The following KLHL14 variants were observed in gnomAD, a reference collection of about 807,000 sequenced individuals.
KLHL14 encodes kelch like family member 14.
A neutral mutation model predicts 64.3 loss-of-function variants in KLHL14; 22 were observed. The ratio of observed to expected loss-of-function variants is 0.34; its 90% confidence interval spans 0.24 to 0.49. The LOEUF (loss-of-function observed/expected upper bound fraction) is 0.49. Ranked by LOEUF, KLHL14 falls within the 20% of genes least tolerant of loss-of-function variation. The pLI is 0.99. For synonymous variants in KLHL14, 322 were observed against 333.4 expected (o/e 0.97, Z 0.37); for missense variants, 661 against 789.0 (o/e 0.84, Z 1.94).
At chr18:32,708,407 T>C (rs1368389753) in intron 3 of KLHL14, among the ~76,000 whole-genome samples, 1 of 152,128 alleles carries the variant, frequency 6.6e-6, no homozygotes, top group Non-Finnish European at 1.5e-5. Flanking sequence ...AGGGCAGTGG[T>C]GTAGAAGATT....
chr18:32,703,271 T>C (rs1052217055), intron 3 of KLHL14, among the ~76,000 whole-genome samples: 4 of 152,182 alleles, frequency 2.6e-5, no homozygotes, highest in Non-Finnish European at 5.9e-5. Context: ...AATGGATCAG[T>C]AAATATTGAT....
At chr18:32,725,185 C>T (rs2050101804) in intron 3 of KLHL14, among the ~76,000 whole-genome samples, 1 of 152,048 alleles carries the variant, frequency 6.6e-6, no homozygotes. Flanking sequence ...CACCAACACA[C>T]CTGACTACTT....
chr18:32,712,156 C>T (rs2050022507), intron 3 of KLHL14, among the ~76,000 whole-genome samples: 1 of 152,166 alleles, frequency 6.6e-6, no homozygotes, highest in Admixed American at 6.6e-5. Context: ...ATAGTTGCAG[C>T]AGAGATCTAA....
At chr18:32,685,151 C>T (rs983000451) in intron 5 of KLHL14, among the ~76,000 whole-genome samples, 1 of 152,226 alleles carries the variant, frequency 6.6e-6, no homozygotes, top group East Asian at 1.9e-4. Flanking sequence ...CGCCGACAGA[C>T]CATGGCAGGT....
At chr18:32,678,153 T>G (rs1025847862) in intron 7 of KLHL14, among the ~76,000 whole-genome samples, 1 of 152,148 alleles carries the variant, frequency 6.6e-6, no homozygotes, top group Non-Finnish European at 1.5e-5. Flanking sequence ...TGAGAACAAC[T>G]TAAGTTCCTG....
chr18:32,745,623 A>C (rs2050220431), intron 2 of KLHL14: 1 of 152,270 alleles, frequency 6.6e-6, no homozygotes, highest in South Asian at 2.1e-4. Context: ...ACAAATGAGA[A>C]TAACCATCAC....
At chr18:32,736,756 T>C (rs1012668795) in intron 3 of KLHL14, among the ~76,000 whole-genome samples, 7 of 152,068 alleles carry the variant, frequency 4.6e-5, no homozygotes, top group Non-Finnish European at 1.0e-4. Flanking sequence ...TACTGGGTGG[T>C]CTTACTAAAA....
intron 3 of KLHL14, among the ~76,000 whole-genome samples, chr18:32,729,699 A>G (rs2050127311): frequency 6.6e-6 from 1 of 152,258 alleles, no homozygotes; most frequent in Admixed American, 6.5e-5. Context: ...TTGTCATAAT[A>G]TCATTGGTTT....
chr18:32,758,620 T>C (rs1415842727), intron 2 of KLHL14, among the ~76,000 whole-genome samples: 2 of 152,176 alleles, frequency 1.3e-5, no homozygotes, highest in African/African-American at 4.8e-5. Flanking sequence ...TGAAAACATA[T>C]GTCCATACAA....
At chr18:32,762,550 T>G (rs996860853) in intron 2 of KLHL14, among the ~76,000 whole-genome samples, 1 of 152,164 alleles carries the variant, frequency 6.6e-6, no homozygotes, top group Non-Finnish European at 1.5e-5. Context: ...CTGCTTTACT[T>G]CTAGTGTTGC....
chr18:32,708,648 C>G (rs2050003055), intron 3 of KLHL14, among the ~76,000 whole-genome samples: 1 of 152,190 alleles, frequency 6.6e-6, no homozygotes, highest in Non-Finnish European at 1.5e-5. Flanking sequence ...CAGGCTTGTA[C>G]ACACAGCAGT....
At chr18:32,698,057 T>A (rs542625267) in intron 3 of KLHL14, among the ~76,000 whole-genome samples, 1 of 152,344 alleles carries the variant, frequency 6.6e-6, no homozygotes, top group South Asian at 2.1e-4. Flanking sequence ...AAATTTATTT[T>A]AAAAAATCTA....
chr18:32,686,072 C>T (rs1165166555), intron 5 of KLHL14, among the ~76,000 whole-genome samples: 3 of 146,892 alleles, frequency 2.0e-5, no homozygotes, highest in Non-Finnish European at 4.5e-5. Flanking sequence ...AGTGCAGTGG[C>T]GCAATCTAGG....
intron 1 of KLHL14, chr18:32,772,074 T>C: frequency 3.6e-6 from 1 of 275,200 alleles, no homozygotes; most frequent in South Asian, 3.5e-5. Context: ...AAAGGGACCC[T>C]CTGCTTGCAT....
chr18:32,767,669 C>T lies in KLHL14; in HGVS notation c.947+1976G>A, dbSNP rs148744181. Among the ~76,000 whole-genome samples the T allele has an allele frequency of 7.2e-5, 11 of 152,276 alleles. No homozygotes were observed. The East Asian group carries it at 2.1e-3, about 29-fold the overall frequency. On this transcript the variant is annotated intron_variant, in intron 2 of 8. Coordinates refer to ENST00000359358, the MANE Select transcript of KLHL14 (RefSeq NM_020805.3). ...GCAGGCACTAGCTGGTGTGCTGAAT[C>T]TTGACTAAAGTGGGAAATGGATTTT...
intron 3 of KLHL14, among the ~76,000 whole-genome samples, chr18:32,725,914 A>G (rs867681260): frequency 6.6e-6 from 1 of 152,214 alleles, no homozygotes; most frequent in Admixed American, 6.5e-5. Context: ...TCCTCTATGA[A>G]ATGGAAGTTC....
intron 4 of KLHL14, among the ~76,000 whole-genome samples, chr18:32,688,146 C>T (rs1219680190): frequency 6.6e-6 from 1 of 152,148 alleles, no homozygotes; most frequent in Non-Finnish European, 1.5e-5. Flanking sequence ...TCTGTAGCAC[C>T]TGAGATGATA....
In KLHL14 at chr18:32,680,574, A is replaced by G. The variant is rs1253789030; in HGVS notation, c.1264T>C (p.Leu422=). 3.1e-6 allele frequency: 5 copies of G among 1,612,448 alleles called. No homozygotes were observed. The highest frequency in any genetic ancestry group is 4.2e-6 in the Non-Finnish European group (5 of 1,179,290). ...CCAATTACGTATAAATGCTTGTCCA[A>G]CCGACATGCATAGAAACTGGCTCTT... ...ERRASFYACR[L]DKHLYVIGGR... Residue 422 remains leucine (L), a synonymous_variant, in exon 6 of 9, where the codon TTG becomes CTG. Coordinates refer to ENST00000359358, the MANE Select transcript of KLHL14 (RefSeq NM_020805.3). The surrounding 1 kb of genome is among the most constrained non-coding windows in gnomAD (Gnocchi z 4.8).
chr18:32,692,616 T>C (rs1293706985), intron 4 of KLHL14, among the ~76,000 whole-genome samples: 9 of 152,220 alleles, frequency 5.9e-5, no homozygotes, highest in Non-Finnish European at 1.0e-4. Context: ...CCACTATCCA[T>C]GTGATCAAAT....
Sources: gnomAD v4.1 joint callset for allele counts (sites outside exome capture counted in the v4.1 genomes callset) on GRCh38, gnomAD v4.1.1 for gene constraint, Gnocchi (gnomAD v3.1) non-coding constraint, MANE v1.5 for transcripts, NCBI Gene and HGNC (gene_info 2026-07-23, HGNC 2026-07-21) for gene names.